SERGEF: variants seen among roughly 807,000 people sequenced by gnomAD.
SERGEF encodes the protein secretion regulating guanine nucleotide exchange factor.
Under a neutral mutation model 50.0 loss-of-function variants are expected in SERGEF, and 51 were observed. The observed-to-expected ratio is 1.02, with a 90% CI of 0.81 to 1.29. The LOEUF (loss-of-function observed/expected upper bound fraction) is 1.29, where lower values mean the gene tolerates loss of function less well. SERGEF is among the 50% of genes most tolerant of loss of function. SERGEF has a pLI of 0.00. For synonymous variants in SERGEF, 205 were observed against 212.4 expected, an observed-to-expected ratio of 0.97 and a Z score of 0.30; for missense variants, 521 against 557.0, an observed-to-expected ratio of 0.94 and a Z score of 0.65.
intron 9 of SERGEF, among the ~76,000 whole-genome samples, chr11:17,954,040 AG>A (rs1852817520): frequency 6.6e-6 from 1 of 152,152 alleles, no homozygotes; most frequent in African/African-American, 2.4e-5. Flanking sequence ...CCATTTCCAG[AG>A]GGCTTTAAAA....
rs142651215 is a variant in SERGEF at position 17,986,262 on chromosome 11, T to C, written c.844+2335A>G. The stretch of plus-strand genomic sequence containing the variant: ...ACTGGGCCAGAGCACGGGCCTCCAC[T>C]GCTGCTAGAAGGAACACAAAATTGG... On this transcript the variant is annotated intron_variant, in intron 8 of 10. Transcript: ENST00000265965. Among the ~76,000 whole-genome samples, 197 of 152,302 alleles carry C rather than the reference T, an allele frequency of 1.3e-3. 6 individuals are homozygous for C. In the East Asian group the frequency reaches 0.036, roughly 28 times the overall value.
intron 9 of SERGEF, among the ~76,000 whole-genome samples, chr11:17,955,994 C>T (rs899013091): frequency 2.0e-5 from 3 of 152,168 alleles, no homozygotes; most frequent in Non-Finnish European, 4.4e-5. Context: ...ATACATCCTG[C>T]CCTGACATGC....
At chr11:17,941,936 G>T (rs1852570104) in intron 9 of SERGEF, among the ~76,000 whole-genome samples, 1 of 152,166 alleles carries the variant, frequency 6.6e-6, no homozygotes, top group African/African-American at 2.4e-5. Context: ...TATCTTTAGA[G>T]AAATGTCCAT....
At chr11:18,011,405 A>G (rs779668918) in intron 1 of SERGEF, among the ~76,000 whole-genome samples, 1 of 152,194 alleles carries the variant, frequency 6.6e-6, no homozygotes, top group Non-Finnish European at 1.5e-5. Context: ...CACAGTGAAA[A>G]AAGCCATGTG....
chr11:17,798,199 C>T (rs1849602701), intron 10 of SERGEF, among the ~76,000 whole-genome samples: 1 of 152,286 alleles, frequency 6.6e-6, no homozygotes, highest in Non-Finnish European at 1.5e-5. Context: ...TCTAGAACCC[C>T]CTTGCTCAAA....
At chr11:17,955,103 C>T (rs1272905367) in intron 9 of SERGEF, among the ~76,000 whole-genome samples, 1 of 152,230 alleles carries the variant, frequency 6.6e-6, no homozygotes, top group African/African-American at 2.4e-5. Flanking sequence ...GTGATCTAGA[C>T]TCAATTTCAG....
intron 9 of SERGEF, among the ~76,000 whole-genome samples, chr11:17,938,826 A>G (rs1056425719): frequency 5.3e-5 from 8 of 152,186 alleles, no homozygotes; most frequent in African/African-American, 1.9e-4. Flanking sequence ...GATACAAGTG[A>G]ATATCCATAT....
rs111653225 is a variant in SERGEF, at chr11:17,986,156, C to G, written c.844+2441G>C. ...TGTTCCACTAATGAGCTGCTCCTGACCCTGTGAGGAAATCTTATTCCCATT... is the reference window on the plus strand; with the variant it reads ...TGTTCCACTAATGAGCTGCTCCTGAGCCTGTGAGGAAATCTTATTCCCATT... On this transcript the variant is annotated intron_variant, in intron 8 of 10. Coordinates refer to ENST00000265965, the MANE Select transcript of SERGEF (RefSeq NM_012139.4). Among the ~76,000 whole-genome samples, 1,151 of 152,230 alleles carry G rather than the reference C, an allele frequency of 7.6e-3. 19 individuals carry two copies. The highest frequency in any genetic ancestry group is 0.026 in the African/African-American group (1,075 of 41,528).
intron 8 of SERGEF, among the ~76,000 whole-genome samples, chr11:17,986,692 A>G (rs990436149): frequency 9.2e-5 from 14 of 152,252 alleles, no homozygotes; most frequent in African/African-American, 2.9e-4. Flanking sequence ...ACTGACAGAC[A>G]ACCAAATTCA....
At chr11:17,858,326 G>A (rs569288291) in intron 10 of SERGEF, among the ~76,000 whole-genome samples, 1 of 152,288 alleles carries the variant, frequency 6.6e-6, no homozygotes, top group South Asian at 2.1e-4. Context: ...GGGTGGGAGT[G>A]AGGATCAGAA....
At chr11:17,835,932 C>T (rs960556023) in intron 10 of SERGEF, among the ~76,000 whole-genome samples, 1 of 152,154 alleles carries the variant, frequency 6.6e-6, no homozygotes, top group Non-Finnish European at 1.5e-5. Context: ...CTGAACTATT[C>T]ATCATCCTAC....
At chr11:17,898,645 C>T (rs1336823304) in intron 9 of SERGEF, among the ~76,000 whole-genome samples, 1 of 152,160 alleles carries the variant, frequency 6.6e-6, no homozygotes, top group Non-Finnish European at 1.5e-5. Flanking sequence ...GTTTTTCCCC[C>T]AGACCTCCTT....
intron 9 of SERGEF, among the ~76,000 whole-genome samples, chr11:17,946,470 T>G (rs1852665011): frequency 6.6e-6 from 1 of 152,146 alleles, no homozygotes; most frequent in African/African-American, 2.4e-5. Context: ...CTCTTTCCAC[T>G]GCATCACAGA....
chr11:17,890,461 T>C (rs551211080), intron 9 of SERGEF, among the ~76,000 whole-genome samples: 9 of 152,330 alleles, frequency 5.9e-5, no homozygotes, highest in Non-Finnish European at 7.4e-5. Flanking sequence ...TGTGTGTGTC[T>C]GTATATGCAC....
chr11:17,824,812 C>G (rs536263596), intron 10 of SERGEF, among the ~76,000 whole-genome samples: 71 of 152,162 alleles, frequency 4.7e-4, no homozygotes, highest in Non-Finnish European at 8.5e-4. Context: ...CCTTCATTAC[C>G]TCCTTAAATA....
intron 8 of SERGEF, among the ~76,000 whole-genome samples, chr11:17,960,116 C>T (rs1401601095): frequency 6.6e-6 from 1 of 152,174 alleles, no homozygotes; most frequent in African/African-American, 2.4e-5. Context: ...GAATGGCCAG[C>T]TTCATTTGCT....
chr11:17,882,385 C>T (rs532629286), intron 9 of SERGEF, among the ~76,000 whole-genome samples: 2 of 138,306 alleles, frequency 1.4e-5, no homozygotes, highest in South Asian at 4.7e-4. Flanking sequence ...TGCCACTGCA[C>T]TTGAGCCTGG....
chr11:17,953,268 T>A (rs1852804526), intron 9 of SERGEF, among the ~76,000 whole-genome samples: 1 of 152,180 alleles, frequency 6.6e-6, no homozygotes, highest in African/African-American at 2.4e-5. Flanking sequence ...GCAGAAACTG[T>A]TCCACTCTTC....
intron 5 of SERGEF, among the ~76,000 whole-genome samples, chr11:17,998,404 G>T: frequency 7.0e-6 from 1 of 143,070 alleles, no homozygotes; most frequent in Non-Finnish European, 1.5e-5. Flanking sequence ...ACAACAGGGG[G>T]GGACCCTATC....
Sources: allele counts gnomAD v4.1 joint callset (sites outside exome capture counted in the v4.1 genomes callset), GRCh38; gene constraint gnomAD v4.1.1; transcripts MANE v1.5; gene names NCBI Gene and HGNC (gene_info 2026-07-23, HGNC 2026-07-21).